The following IDE variants were observed in gnomAD, a reference collection of about 807,000 sequenced individuals.
The protein encoded by IDE is insulin degrading enzyme.
In IDE, 58 loss-of-function variants were observed where a neutral mutation model predicts 133.2. That is an observed-to-expected ratio of 0.44 (90% confidence interval 0.35 to 0.54). The LOEUF (loss-of-function observed/expected upper bound fraction) is 0.54, where lower values mean the gene tolerates loss of function less well. IDE is among the 20% of genes least tolerant of loss of function. The probability of loss-of-function intolerance (pLI) is 0.00; values close to 1 mark genes in which losing one functional copy is unlikely to be tolerated. For synonymous variants in IDE, 396 were observed against 421.3 expected (o/e 0.94, Z 0.73); for missense variants, 981 against 1,234.0 (o/e 0.79, Z 3.07).
chr10:92,553,547 A>T (rs764836253), intron 1 of IDE, among the ~76,000 whole-genome samples: 9 of 152,216 alleles, frequency 5.9e-5, no homozygotes, highest in Admixed American at 2.6e-4. Context: ...GGACATTACA[A>T]GAAAAGAAAA....
In IDE at chr10:92,529,625, C is replaced by G. The variant is rs192824297; in HGVS notation, c.661+2123G>C. Among the ~76,000 whole-genome samples, 4 of 152,216 alleles carry G rather than the reference C, an allele frequency of 2.6e-5. No individual in the cohort carries two copies. The East Asian group carries it at 5.8e-4, about 22-fold the overall frequency. The stretch of plus-strand genomic sequence containing the variant: ...GCATGGTGGCTCATGCCTGTAATCT[C>G]AGCACTTTGGGAGGCGAGGCAGGAA... On this transcript the variant is annotated intron_variant, in intron 4 of 24. Transcript: ENST00000265986.
chr10:92,551,168 T>C (rs1190532419), intron 1 of IDE, among the ~76,000 whole-genome samples: 1 of 152,244 alleles, frequency 6.6e-6, no homozygotes, highest in Non-Finnish European at 1.5e-5. Flanking sequence ...TGTCCACTGA[T>C]GGATGAATCA....
intron 1 of IDE, among the ~76,000 whole-genome samples, chr10:92,553,869 C>T (rs1564675159): frequency 1.3e-5 from 2 of 152,080 alleles, no homozygotes; most frequent in Non-Finnish European, 2.9e-5. Flanking sequence ...AGCCCAGGAC[C>T]CATGGCTTTC....
intron 1 of IDE, among the ~76,000 whole-genome samples, chr10:92,549,697 A>C (rs1842694803): frequency 6.6e-6 from 1 of 151,948 alleles, no homozygotes; most frequent in Non-Finnish European, 1.5e-5. Flanking sequence ...TGTTTAGGGA[A>C]TAAATCTATT....
At chr10:92,479,619 G>C (rs1326950055) in intron 14 of IDE, 198 bp from the exon 15 acceptor site, 1 of 525,320 alleles carries the variant, frequency 1.9e-6, no homozygotes, top group Non-Finnish European at 3.4e-6. Context: ...GAGTGTGTGT[G>C]TGTGTGTGTG....
Position 92,475,895 on chromosome 10 carries a change from T to G in IDE, c.1984A>C (p.Ile662Leu). ...TTCAGAAAACTTACTGCTTCTTTGATAATTTCAAATCTTTTTTCATCAATC... is the reference window on the plus strand; with the variant it reads ...TTCAGAAAACTTACTGCTTCTTTGAGAATTTCAAATCTTTTTTCATCAATC... ...FEIDEKRFEI[I>L]KEAYMRSLNN... The change falls in exon 16 of 25, where the codon ATC (isoleucine) becomes CTC (leucine). Residue 662 changes from isoleucine to leucine, a missense_variant. This residue lies in a region of IDE where 660 missense variants were observed against 894.7 expected (regional missense o/e 0.74). Coordinates refer to ENST00000265986, the MANE Select transcript of IDE (RefSeq NM_004969.4). 1 of 1,349,680 alleles carries G rather than the reference T, an allele frequency of 7.4e-7. No homozygotes were observed. The highest frequency in any genetic ancestry group is 1.0e-6 in the Non-Finnish European group (1 of 959,286). 83.6% of individuals were successfully genotyped at this position (1,349,680 alleles called of 1,614,324 possible). A position where few individuals can be genotyped will look rare whatever the true frequency, so the allele number is the denominator to read the frequency against.
At chr10:92,563,621 C>T (rs1242328008) in intron 1 of IDE, among the ~76,000 whole-genome samples, 4 of 151,408 alleles carry the variant, frequency 2.6e-5, no homozygotes, top group Non-Finnish European at 5.9e-5. Flanking sequence ...TGTGGTGGCA[C>T]GCGCCTGTAG....
intron 5 of IDE, among the ~76,000 whole-genome samples, chr10:92,514,329 A>G (rs1013770377): frequency 6.6e-6 from 1 of 152,204 alleles, no homozygotes; most frequent in Non-Finnish European, 1.5e-5. Context: ...TTTAAAAATC[A>G]AACCATTGTT....
chr10:92,494,228 ATTTTTT>A (rs56276579), intron 11 of IDE, among the ~76,000 whole-genome samples: 1 of 130,666 alleles, frequency 7.7e-6, no homozygotes, highest in Admixed American at 7.6e-5. Context: ...TACCCAGCCA[ATTTTTT>A]TTTTTTTTTT....
intron 15 of IDE, chr10:92,478,549 C>A: frequency 1.5e-6 from 1 of 689,080 alleles, no homozygotes. Flanking sequence ...AAACCATTAA[C>A]TTTCTTGTTT....
At chr10:92,472,632 CA>C (rs1564601895) in intron 17 of IDE, among the ~76,000 whole-genome samples, 1 of 149,820 alleles carries the variant, frequency 6.7e-6, no homozygotes, top group African/African-American at 2.4e-5. Flanking sequence ...TTAAAACATT[CA>C]ACAGAATTCT....
At chr10:92,535,798 G>A (rs1589497863) in intron 2 of IDE, among the ~76,000 whole-genome samples, 1 of 152,196 alleles carries the variant, frequency 6.6e-6, no homozygotes, top group Admixed American at 6.5e-5. Flanking sequence ...CACTTTGGGA[G>A]GACGAGGTGG....
At chr10:92,519,939 A>C (rs1168151229) in intron 4 of IDE, among the ~76,000 whole-genome samples, 1 of 152,160 alleles carries the variant, frequency 6.6e-6, no homozygotes, top group Admixed American at 6.5e-5. Flanking sequence ...ACCCCGTCCT[A>C]CTAAAAATAC....
intron 1 of IDE, among the ~76,000 whole-genome samples, chr10:92,562,332 C>A (rs1843320480): frequency 6.6e-6 from 1 of 152,240 alleles, no homozygotes; most frequent in South Asian, 2.1e-4. Context: ...GAACTATGCA[C>A]CTGTAGAAGG....
At position 92,544,172 on chromosome 10, in the gene IDE, G is replaced by A. The variant is rs578066020; in HGVS notation, c.99-6622C>T. Among the ~76,000 whole-genome samples, 5 of 151,478 alleles carry A rather than the reference G, an allele frequency of 3.3e-5. No individual in the cohort carries two copies. In the South Asian group the frequency reaches 1.0e-3, roughly 32 times the overall value. ...CACTTGAACCCAGGAAGCGGAGGTT[G>A]CAGTGAGCCAAGATTGCGCCACTGC... On this transcript the variant is annotated intron_variant, in intron 1 of 24. Coordinates refer to ENST00000265986, the MANE Select transcript of IDE (RefSeq NM_004969.4).
At chr10:92,527,311 T>G (rs1378307797) in intron 4 of IDE, among the ~76,000 whole-genome samples, 3 of 152,206 alleles carry the variant, frequency 2.0e-5, no homozygotes, top group Non-Finnish European at 4.4e-5. Flanking sequence ...ACTTGTATCT[T>G]CATGCACCCC....
intron 1 of IDE, among the ~76,000 whole-genome samples, chr10:92,568,692 T>C (rs1012981133): frequency 1.3e-5 from 2 of 152,006 alleles, no homozygotes; most frequent in African/African-American, 4.8e-5. Flanking sequence ...GGCACGCGCC[T>C]GTAGTCCCAG....
chr10:92,508,494 G>A (rs753578987), intron 7 of IDE, among the ~76,000 whole-genome samples: 3 of 149,536 alleles, frequency 2.0e-5, no homozygotes, highest in Non-Finnish European at 3.0e-5. Context: ...TGGGCGGATC[G>A]CTTGAGACCA....
intron 5 of IDE, among the ~76,000 whole-genome samples, chr10:92,513,868 T>C (rs887131372): frequency 2.6e-5 from 4 of 152,066 alleles, no homozygotes; most frequent in African/African-American, 7.2e-5. Flanking sequence ...TCAAGTAATT[T>C]ACACTTTGGT....
Sources: gnomAD v4.1 joint callset for allele counts (sites outside exome capture counted in the v4.1 genomes callset) on GRCh38, gnomAD v4.1.1 for gene constraint, gnomAD v4.1.1 regional missense constraint, MANE v1.5 for transcripts, NCBI Gene and HGNC (gene_info 2026-07-23, HGNC 2026-07-21) for gene names.